TMEM232: variants seen among roughly 807,000 people sequenced by gnomAD.
The protein encoded by TMEM232 is transmembrane protein 232.
In TMEM232, 80 loss-of-function variants were observed where a neutral mutation model predicts 78.8. The observed-to-expected ratio is 1.01, with a 90% confidence interval of 0.85 to 1.22. The LOEUF (loss-of-function observed/expected upper bound fraction) is 1.22. Among genes scored for constraint, TMEM232 ranks in the 50% most tolerant of loss-of-function variants. The pLI is 0.00. For synonymous variants in TMEM232, 297 were observed against 254.3 expected (o/e 1.17, Z -1.60); for missense variants, 881 against 742.2 (o/e 1.19, Z -2.17).
rs918651086 is a variant in TMEM232, at chr5:110,606,304, C to T, written c.903-17G>A. 3.2e-5 allele frequency: 48 copies of T among 1,498,912 alleles called. No individual in the cohort carries two copies. The highest frequency in any genetic ancestry group is 8.4e-5 in the African/African-American group (6 of 71,396). The allele number at this position is 1,498,912 out of a possible 1,614,324, so 92.9% of individuals were successfully genotyped here. ...GAATCCAACCTGAAAATTTTATGGA[C>T]GAAAGGATAAAGATTTTAATGGAAA... On this transcript the variant is annotated splice_polypyrimidine_tract_variant and intron_variant, in intron 8 of 13. Coordinates refer to ENST00000455884, the MANE Select transcript of TMEM232 (RefSeq NM_001039763.4).
intron 12 of TMEM232, among the ~76,000 whole-genome samples, chr5:110,494,429 T>G (rs73784770): frequency 6.6e-6 from 1 of 152,060 alleles, no homozygotes; most frequent in Admixed American, 6.6e-5. Context: ...TTGCCAAAAA[T>G]AACCAGTTCT....
At chr5:110,462,487 C>T (rs772214993) in intron 12 of TMEM232, among the ~76,000 whole-genome samples, 1 of 152,210 alleles carries the variant, frequency 6.6e-6, no homozygotes, top group East Asian at 1.9e-4. Flanking sequence ...AAAGACAAGA[C>T]TGGCTTAGTC....
chr5:110,522,812 T>C (rs1028460615), intron 12 of TMEM232, among the ~76,000 whole-genome samples: 1 of 152,102 alleles, frequency 6.6e-6, no homozygotes, highest in African/African-American at 2.4e-5. Context: ...CTGGATTCTG[T>C]TTGTTACTAT....
intron 12 of TMEM232, among the ~76,000 whole-genome samples, chr5:110,438,392 G>A (rs1029324946): frequency 9.9e-5 from 15 of 151,644 alleles, no homozygotes; most frequent in African/African-American, 1.7e-4. Context: ...AGGTCCCAGC[G>A]AAGGGCCACT....
chr5:110,670,170 T>C (rs1215807805), intron 1 of TMEM232, among the ~76,000 whole-genome samples: 2 of 152,124 alleles, frequency 1.3e-5, no homozygotes, highest in Non-Finnish European at 2.9e-5. Flanking sequence ...GGTATTCAAT[T>C]AGGAAAAGAG....
At chr5:110,543,722 G>T (rs922452137) in intron 11 of TMEM232, among the ~76,000 whole-genome samples, 2 of 152,100 alleles carry the variant, frequency 1.3e-5, no homozygotes, top group African/African-American at 4.8e-5. Flanking sequence ...CTAGGACAGA[G>T]CACTAGAGCT....
At chr5:110,457,463 C>A (rs1267247739) in intron 12 of TMEM232, among the ~76,000 whole-genome samples, 1 of 152,032 alleles carries the variant, frequency 6.6e-6, no homozygotes, top group Non-Finnish European at 1.5e-5. Context: ...ATTTTTTATA[C>A]ACATACTTAC....
rs189081905 is a variant in TMEM232 at position 110,597,016 on chromosome 5, G to A, written c.1276+8093C>T. Among the ~76,000 whole-genome samples the A allele has an allele frequency of 5.6e-3, 850 of 152,220 alleles. 8 individuals are homozygous for A. The highest frequency in any genetic ancestry group is 0.019 in the African/African-American group (808 of 41,528). ...CATAGTGTTGGAAGTTCTGGCCAGG[G>A]CAATTAGGCAGGAGAAGGAAATAAA... On this transcript the variant is annotated intron_variant, in intron 10 of 13. Coordinates refer to ENST00000455884, the MANE Select transcript of TMEM232 (RefSeq NM_001039763.4).
At chr5:110,579,026 C>T (rs1479122006) in intron 10 of TMEM232, among the ~76,000 whole-genome samples, 7 of 150,988 alleles carry the variant, frequency 4.6e-5, no homozygotes, top group African/African-American at 1.7e-4. Context: ...ATAAAATTAA[C>T]CCAAAGAAAT....
intron 10 of TMEM232, among the ~76,000 whole-genome samples, chr5:110,599,577 A>G (rs548125559): frequency 7.2e-5 from 11 of 152,286 alleles, no homozygotes; most frequent in Admixed American, 2.0e-4. Context: ...AAAGAATGGC[A>G]TTACATAATG....
chr5:110,586,056 G>A (rs1009226382), intron 10 of TMEM232, among the ~76,000 whole-genome samples: 1 of 152,158 alleles, frequency 6.6e-6, no homozygotes, highest in Non-Finnish European at 1.5e-5. Context: ...GGGGACAGTG[G>A]AGAGAAAGAG....
chr5:110,670,858 G>C (rs932499058), intron 1 of TMEM232, among the ~76,000 whole-genome samples: 2 of 151,948 alleles, frequency 1.3e-5, no homozygotes, highest in Admixed American at 6.6e-5. Flanking sequence ...AGCACATGTA[G>C]CCTAAAAGAA....
Position 110,395,085 on chromosome 5 carries a change from A to G in TMEM232, n.390+2688T>C, listed in dbSNP as rs181718993. On this transcript the variant is annotated intron_variant and non_coding_transcript_variant, in intron 3 of 8. Transcript: ENST00000507188. ...ACTCCTAACTGTAGGTCTGAGACCA[A>G]CAAGTTTTTCTATTCCTCCCTCAGG... Among the ~76,000 whole-genome samples, 534 of 152,304 alleles carry G rather than the reference A, an allele frequency of 3.5e-3. 2 individuals carry two copies. Among genetic ancestry groups the G allele is most frequent in the Admixed American group, 6.1e-3 (94 of 15,286 alleles).
intron 12 of TMEM232, among the ~76,000 whole-genome samples, chr5:110,428,460 T>C (rs1757481548): frequency 6.6e-6 from 1 of 151,802 alleles, no homozygotes; most frequent in African/African-American, 2.4e-5. Context: ...GCCATCTCTT[T>C]GAAAGATATC....
At chr5:110,732,716 A>G (rs1191064204) in intron 2 of TMEM232, among the ~76,000 whole-genome samples, 1 of 152,204 alleles carries the variant, frequency 6.6e-6, no homozygotes, top group African/African-American at 2.4e-5. Flanking sequence ...TTGGGTGGGG[A>G]CACAACGAAC....
At chr5:110,482,160 C>T (rs904422317) in intron 12 of TMEM232, among the ~76,000 whole-genome samples, 1 of 152,030 alleles carries the variant, frequency 6.6e-6, no homozygotes, top group Non-Finnish European at 1.5e-5. Flanking sequence ...ATCCAAACAA[C>T]AAGAGCAGAC....
At chr5:110,406,869 C>T (rs1282359870) in intron 2 of TMEM232, among the ~76,000 whole-genome samples, 1 of 151,904 alleles carries the variant, frequency 6.6e-6, no homozygotes, top group African/African-American at 2.4e-5. Flanking sequence ...AGATTTTTTG[C>T]CTTTGCTTAT....
At chr5:110,622,686 C>T (rs1053700699) in intron 7 of TMEM232, among the ~76,000 whole-genome samples, 5 of 152,014 alleles carry the variant, frequency 3.3e-5, no homozygotes, top group South Asian at 2.1e-4. Flanking sequence ...GCATGATTTA[C>T]AGTCCTTTGG....
intron 1 of TMEM232, among the ~76,000 whole-genome samples, chr5:110,686,036 G>GT (rs143741512): frequency 0.012 from 1,779 of 152,114 alleles, 45 homozygotes; most frequent in African/African-American, 0.04. Context: ...GGTAACATGG[G>GT]TATATGTATG....
Sources: gnomAD v4.1 joint callset for allele counts (sites outside exome capture counted in the v4.1 genomes callset) on GRCh38, gnomAD v4.1.1 for gene constraint, MANE v1.5 for transcripts, NCBI Gene and HGNC (gene_info 2026-07-23, HGNC 2026-07-21) for gene names.